POLA1: variants seen among roughly 807,000 people sequenced by gnomAD.
The protein encoded by POLA1 is DNA polymerase alpha 1, catalytic subunit, also known as DNA polymerase alpha catalytic subunit.
In POLA1, 15 loss-of-function variants were observed where a neutral mutation model predicts 124.0. The ratio of observed to expected loss-of-function variants is 0.12; its 90% CI spans 0.08 to 0.19. POLA1 has a LOEUF of 0.19. Ranked by LOEUF, POLA1 falls within the 10% of genes least tolerant of loss-of-function variation. The pLI is 1.00. For synonymous variants in POLA1, 408 were observed against 389.4 expected, an observed-to-expected ratio of 1.05 and a Z score of -0.56; for missense variants, 886 against 1,103.4, an observed-to-expected ratio of 0.80 and a Z score of 2.79.
At chrX:24,771,115 T>C (rs1216067967) in intron 26 of POLA1, among the ~76,000 whole-genome samples, 1 of 111,430 alleles carries the variant, frequency 9.0e-6, no homozygotes, top group Non-Finnish European at 1.9e-5. Context: ...CAGTGCCTCA[T>C]CTTTGGTGTA....
At chrX:24,732,155 A>G (rs1321008197) in intron 15 of POLA1, among the ~76,000 whole-genome samples, 1 of 111,029 alleles carries the variant, frequency 9.0e-6, no homozygotes, top group African/African-American at 3.3e-5. Context: ...GGGTTTTACC[A>G]TGTTGGCCAG....
At chrX:24,742,159 ACCCC>A in intron 22 of POLA1, 38 bp downstream of exon 22, 27 of 830,947 alleles carry the variant, frequency 3.2e-5, no homozygotes, top group Non-Finnish European at 3.8e-5. Flanking sequence ...TTTTCTCTTA[ACCCC>A]CCCCCCCCTT....
chrX:24,820,948 T>G (rs942944270), intron 30 of POLA1, among the ~76,000 whole-genome samples: 1 of 112,181 alleles, frequency 8.9e-6, no homozygotes, highest in Non-Finnish European at 1.9e-5. Context: ...CCTGTTCTCG[T>G]AGTACTTACT....
intron 36 of POLA1, among the ~76,000 whole-genome samples, chrX:24,937,766 AAAG>A (rs1241303200): frequency 1.8e-5 from 2 of 111,989 alleles, no homozygotes; most frequent in African/African-American, 6.5e-5. Context: ...TCCGCGTGTT[AAAG>A]TTTCAGAAGC....
At chrX:24,930,220 C>T (rs1036592759) in intron 35 of POLA1, among the ~76,000 whole-genome samples, 1 of 111,846 alleles carries the variant, frequency 8.9e-6, no homozygotes, top group African/African-American at 3.3e-5. Flanking sequence ...TCTGCAGCTT[C>T]GCAAGTAGTA....
rs1290145759 is a variant in POLA1 at position 24,714,547 on chromosome X, C to G, written c.347-7C>G. On this transcript the variant is annotated splice_region_variant and splice_polypyrimidine_tract_variant and intron_variant, in intron 4 of 36. Transcript: ENST00000379068. Reference sequence around the variant, plus strand: ...TGCATGTTTCTAAATAATTCATATTCCAATAGGAAAAGATGGTAAAGCACG... The same window carrying G: ...TGCATGTTTCTAAATAATTCATATTGCAATAGGAAAAGATGGTAAAGCACG... The G allele has an allele frequency of 9.0e-7, 1 of 1,106,301 alleles. No homozygotes were observed. The highest frequency in any genetic ancestry group is 1.2e-6 in the Non-Finnish European group (1 of 812,946). The allele number at this position is 1,106,301 out of a possible 1,213,427, so 91.2% of individuals were successfully genotyped here.
At chrX:24,927,425 CT>C (rs2047711231) in intron 35 of POLA1, among the ~76,000 whole-genome samples, 1 of 111,946 alleles carries the variant, frequency 8.9e-6, no homozygotes, top group Admixed American at 9.5e-5. Flanking sequence ...AAGTCGTCCC[CT>C]GTGCCAGGTA....
chrX:24,914,250 AT>A (rs370438265), intron 35 of POLA1, among the ~76,000 whole-genome samples: 15 of 110,265 alleles, frequency 1.4e-4, no homozygotes, highest in African/African-American at 4.6e-4. Context: ...TTAAAGTAAG[AT>A]TTTTTTTAAT....
At chrX:24,916,149 C>G (rs1422645275) in intron 35 of POLA1, among the ~76,000 whole-genome samples, 1 of 111,868 alleles carries the variant, frequency 8.9e-6, no homozygotes, top group Non-Finnish European at 1.9e-5. Context: ...GTTGTTGATC[C>G]TTGAACCTTC....
At chrX:24,935,643 T>C (rs1460201186) in intron 36 of POLA1, among the ~76,000 whole-genome samples, 1 of 112,810 alleles carries the variant, frequency 8.9e-6, no homozygotes, top group Non-Finnish European at 1.9e-5. Flanking sequence ...CTTTTCTTTT[T>C]TTTTCCTTAA....
intron 35 of POLA1, among the ~76,000 whole-genome samples, chrX:24,912,100 C>A (rs1392396055): frequency 8.9e-6 from 1 of 112,073 alleles, no homozygotes; most frequent in Non-Finnish European, 1.9e-5. Context: ...AGCAAACATG[C>A]AAAAGCAATT....
intron 31 of POLA1, among the ~76,000 whole-genome samples, chrX:24,821,804 A>G (rs2046091834): frequency 8.9e-6 from 1 of 112,288 alleles, no homozygotes; most frequent in Non-Finnish European, 1.9e-5. Flanking sequence ...TTTTAACCCT[A>G]AATTAACTTT....
chrX:24,844,621 A>G (rs1033301708), intron 34 of POLA1, among the ~76,000 whole-genome samples: 7 of 112,246 alleles, frequency 6.2e-5, no homozygotes, highest in Middle Eastern at 4.6e-3. Context: ...CTATCAGATC[A>G]TTAAGATGAA....
At chrX:24,719,302 G>A in intron 10 of POLA1, among the ~76,000 whole-genome samples, 2 of 110,816 alleles carry the variant, frequency 1.8e-5, no homozygotes, top group East Asian at 5.7e-4. Flanking sequence ...GGTGGGGGCG[G>A]TCAGAAGCAT....
At chrX:24,741,861 C>CT (rs200595954) in intron 21 of POLA1, 141 bp from the exon 22 acceptor site, 8,570 of 353,958 alleles carry the variant, frequency 0.024, no homozygotes, top group Middle Eastern at 0.03. Flanking sequence ...AATTTAGTAC[C>CT]TTTTTTTTTT....
At chrX:24,707,182 G>A (rs1395571488) in intron 4 of POLA1, among the ~76,000 whole-genome samples, 2 of 111,995 alleles carry the variant, frequency 1.8e-5, no homozygotes, top group Non-Finnish European at 3.8e-5. Flanking sequence ...GAACTGAGGA[G>A]GCCTATGTTA....
At chrX:24,763,264 G>A (rs1268488708) in intron 26 of POLA1, among the ~76,000 whole-genome samples, 1 of 110,963 alleles carries the variant, frequency 9.0e-6, no homozygotes, top group Non-Finnish European at 1.9e-5. Context: ...AAGAGAAAAA[G>A]TATCAGTAAA....
In POLA1 at chrX:24,947,246, C is replaced by CTTTTTTTTTTTTTTTTTTTTT. The variant is rs764618354; in HGVS notation, c.4261+16716_4261+16736dup. ...CAGCTGGTTGTTTTCCCTGCAGATT[C>CTTTTTTTTTTTTTTTTTTTTT]TTTTTTTTTTTTTTTTTTTTTTTTT... On this transcript the variant is annotated intron_variant, in intron 36 of 36. Coordinates refer to ENST00000379068, the MANE Select transcript of POLA1 (RefSeq NM_001330360.2). Among the ~76,000 whole-genome samples the CTTTTTTTTTTTTTTTTTTTTT allele has an allele frequency of 9.3e-5, 2 of 21,606 alleles. 1 individual carries two copies. Among genetic ancestry groups the CTTTTTTTTTTTTTTTTTTTTT allele is most frequent in the Non-Finnish European group, 1.7e-4 (2 of 11,985 alleles). The allele number at this position is 21,606 out of a possible 115,157, so 18.8% of individuals were successfully genotyped here.
chrX:24,925,259 A>G (rs943437202), intron 35 of POLA1, among the ~76,000 whole-genome samples: 2 of 111,756 alleles, frequency 1.8e-5, no homozygotes, highest in Non-Finnish European at 3.8e-5. Context: ...TTCAGGCTTC[A>G]CCAAAATGAA....
Sources: gnomAD v4.1 joint callset for allele counts (sites outside exome capture counted in the v4.1 genomes callset) on GRCh38, gnomAD v4.1.1 for gene constraint, MANE v1.5 for transcripts, NCBI Gene and HGNC (gene_info 2026-07-23, HGNC 2026-07-21) for gene names.